Variants in CDC7 observed in about 807,000 individuals in gnomAD.
The protein encoded by CDC7 is cell division cycle 7.
In CDC7, 34 loss-of-function variants were observed where a neutral mutation model predicts 53.5. The ratio of observed to expected loss-of-function variants is 0.64; its 90% CI spans 0.48 to 0.85. The LOEUF is 0.85. Ranked by LOEUF, CDC7 falls within the 40% of genes least tolerant of loss-of-function variation. CDC7 has a pLI of 0.00. For synonymous variants in CDC7, 211 were observed against 222.8 expected (o/e 0.95, Z 0.47); for missense variants, 594 against 679.7 (o/e 0.87, Z 1.40).
intron 2 of CDC7, among the ~76,000 whole-genome samples, chr1:91,503,586 G>A (rs1443671402): frequency 6.6e-6 from 1 of 152,200 alleles, no homozygotes; most frequent in African/African-American, 2.4e-5. Flanking sequence ...ATGATTTAAT[G>A]TAAGGATATA....
intron 6 of CDC7, among the ~76,000 whole-genome samples, chr1:91,512,260 G>A (rs1222859217): frequency 2.0e-5 from 3 of 152,044 alleles, no homozygotes; most frequent in Admixed American, 1.3e-4. Context: ...CAATAGCCAT[G>A]CACAGATTAT....
In CDC7 at chr1:91,513,194, C is replaced by G. The variant is rs1260731124; in HGVS notation, c.709C>G (p.Pro237Ala). Reference sequence around the variant, plus strand: ...CCACATAATCACAGGAAACAAGATTCCACTGAGTGGCCCAGTACCTAAGGA... The same window carrying G: ...CCACATAATCACAGGAAACAAGATTGCACTGAGTGGCCCAGTACCTAAGGA... ...KSHIITGNKI[P>A]LSGPVPKELD... Residue 237 changes from proline to alanine, a missense_variant, in exon 7 of 12, where the codon CCA (proline) becomes GCA (alanine). By Grantham distance (27) the Pro-to-Ala change is conservative (BLOSUM62 -1). Coordinates refer to ENST00000234626, the MANE Select transcript of CDC7 (RefSeq NM_003503.4). 10 of 1,613,664 alleles carry G rather than the reference C, an allele frequency of 6.2e-6. No homozygotes were observed. The highest frequency in any genetic ancestry group is 8.5e-6 in the Non-Finnish European group (10 of 1,179,830).
In CDC7 at chr1:91,501,681, C is replaced by T. The variant is rs746579034; in HGVS notation, c.-36C>T. Reference sequence around the variant, plus strand: ...GCTTTGCTCCCCCTGTGGATGTAACCCCTTAGCTGGCATTTTGCATCTCAA... The same window carrying T: ...GCTTTGCTCCCCCTGTGGATGTAACTCCTTAGCTGGCATTTTGCATCTCAA... On this transcript the variant is annotated 5_prime_UTR_variant, in exon 2 of 12. Transcript: ENST00000234626. The T allele has an allele frequency of 6.8e-7, 1 of 1,466,788 alleles. No homozygotes were observed. Among genetic ancestry groups the T allele is most frequent in the East Asian group, 2.3e-5 (1 of 44,180 alleles). The allele number at this position is 1,466,788 out of a possible 1,614,324, so 90.9% of individuals were successfully genotyped here.
intron 2 of CDC7, among the ~76,000 whole-genome samples, chr1:91,503,955 A>G (rs1047939108): frequency 2.6e-5 from 4 of 152,098 alleles, no homozygotes; most frequent in African/African-American, 7.2e-5. Flanking sequence ...TTTAAGGTCC[A>G]TTGCATATTA....
intron 2 of CDC7, among the ~76,000 whole-genome samples, chr1:91,502,598 G>C (rs1436474928): frequency 2.0e-5 from 3 of 152,052 alleles, no homozygotes; most frequent in African/African-American, 7.2e-5. Flanking sequence ...CATACTTTCT[G>C]CTTTGATGGA....
In CDC7 at chr1:91,523,096, A is replaced by T. The variant is rs541634903; in HGVS notation, c.1331-945A>T. 2.0e-4 allele frequency among the ~76,000 whole-genome samples: 31 copies of T among 152,338 alleles called. No individual in the cohort carries two copies. In the Middle Eastern group the frequency reaches 0.017, roughly 84 times the overall value. ...TTATTTCAAATACATTTATATTTTT[A>T]AAAACAGATCTAGTTTGTTTATTTG... On this transcript the variant is annotated intron_variant, in intron 11 of 11. Transcript: ENST00000234626.
At chr1:91,516,603 AATAAAACTT>A (rs1667570083) in intron 10 of CDC7, among the ~76,000 whole-genome samples, 2 of 152,178 alleles carry the variant, frequency 1.3e-5, no homozygotes, top group Non-Finnish European at 2.9e-5. Context: ...TGAGTATGGT[AATAAAACTT>A]ATTCAGGGTA....
chr1:91,513,854 C>T, intron 7 of CDC7, 94 bp from the exon 8 acceptor site: 5 of 831,022 alleles, frequency 6.0e-6, no homozygotes, highest in Non-Finnish European at 9.7e-6. Flanking sequence ...TTTGTTTCAT[C>T]TCACTTAACT....
At position 91,525,256 on chromosome 1, in the gene CDC7, T is replaced by G. The variant is rs1349794181; in HGVS notation, c.*821T>G. On this transcript the variant is annotated 3_prime_UTR_variant, in exon 12 of 12. Coordinates refer to ENST00000234626, the MANE Select transcript of CDC7 (RefSeq NM_003503.4). ...AGATTGATAGTCCAAATGCTTTTCT[T>G]TTTTGAGTTGTATATTTTTTCACAC... 3.3e-5 allele frequency: 5 copies of G among 152,222 alleles called. No individual in the cohort carries two copies. In the East Asian group the frequency reaches 9.6e-4, roughly 29 times the overall value. The allele number at this position is 152,222 out of a possible 1,614,324, so 9.4% of individuals were successfully genotyped here. A position where few individuals can be genotyped will look rare whatever the true frequency, so the allele number is the denominator to read the frequency against.
At chr1:91,503,826 A>G (rs1445618147) in intron 2 of CDC7, among the ~76,000 whole-genome samples, 4 of 151,914 alleles carry the variant, frequency 2.6e-5, no homozygotes, top group African/African-American at 4.8e-5. Flanking sequence ...CTAAATTGGG[A>G]TCTTGTTTTG....
Position 91,514,855 on chromosome 1 carries a change from A to G in CDC7, c.955A>G (p.Arg319Gly). 1.9e-6 allele frequency: 3 copies of G among 1,613,090 alleles called. No homozygotes were observed. The highest frequency in any genetic ancestry group is 2.2e-5 in the East Asian group (1 of 44,850). Reference protein sequence around the residue: ...KQSKTVDVLSRKLATKKKAIS... With the variant: ...KQSKTVDVLSGKLATKKKAIS... Reference sequence around the variant, plus strand: ...GTCAAAGACTGTGGATGTACTGTCTAGAAAGTTAGCAACAAAAAAGAAGGC... The same window carrying G: ...GTCAAAGACTGTGGATGTACTGTCTGGAAAGTTAGCAACAAAAAAGAAGGC... The change falls in exon 9 of 12, where the codon AGA becomes GGA. Residue 319 changes from arginine (R) to glycine (G), a missense_variant. Transcript: ENST00000234626.
chr1:91,511,643 G>T lies in CDC7; in HGVS notation c.382G>T (p.Asp128Tyr). ...MGVKYCFRKNDHVVIAMPYLE... is the reference protein window; with the variant it reads ...MGVKYCFRKNYHVVIAMPYLE... ...AGTTAAATACTGCTTTAGGAAGAAT[G>T]ATCATGTAGTTATTGCTATGCCATA... Residue 128 changes from aspartate to tyrosine, a missense_variant, in exon 5 of 12, where the codon GAT becomes TAT. Transcript: ENST00000234626. The T allele has an allele frequency of 1.2e-6, 2 of 1,611,396 alleles. No homozygotes were observed. The highest frequency in any genetic ancestry group is 2.2e-5 in the South Asian group (2 of 90,724).
chr1:91,506,869 G>A (rs914368194), intron 2 of CDC7, among the ~76,000 whole-genome samples: 8 of 152,098 alleles, frequency 5.3e-5, no homozygotes, highest in Admixed American at 4.6e-4. Context: ...AGAATCTCTT[G>A]AACGCAGGAG....
At chr1:91,523,927 C>T (rs1668125533) in intron 11 of CDC7, 114 bp from the exon 12 acceptor site, 9 of 640,566 alleles carry the variant, frequency 1.4e-5, no homozygotes, top group South Asian at 8.4e-5. Context: ...TGTGTGTGTC[C>T]ATGTCTATAA....
intron 7 of CDC7, 90 bp from the exon 8 acceptor site, chr1:91,513,858 C>A (rs1413261099): frequency 1.1e-6 from 1 of 906,806 alleles, no homozygotes; most frequent in Non-Finnish European, 1.7e-6. Context: ...TTTCATCTCA[C>A]TTAACTCTTT....
Position 91,525,402 on chromosome 1 carries a change from C to G in CDC7, c.*967C>G, listed in dbSNP as rs1264305799. The G allele has an allele frequency of 6.6e-6, 1 of 151,930 alleles. No homozygotes were observed. The highest frequency in any genetic ancestry group is 1.5e-5 in the Non-Finnish European group (1 of 67,958). The allele number at this position is 151,930 out of a possible 1,614,324, so 9.4% of individuals were successfully genotyped here. A position where few individuals can be genotyped will look rare whatever the true frequency, so the allele number is the denominator to read the frequency against. The stretch of plus-strand genomic sequence containing the variant: ...TCTCTGTATCCTGTTTTGACTAAGT[C>G]TTAGGTGGGTTGGGAAGACAGATAA... On this transcript the variant is annotated 3_prime_UTR_variant, in exon 12 of 12. Coordinates refer to ENST00000234626, the MANE Select transcript of CDC7 (RefSeq NM_003503.4).
In CDC7 at chr1:91,501,779, G is replaced by T. The variant is rs748574248; in HGVS notation, c.63G>T (p.Arg21=). The T allele has an allele frequency of 1.2e-6, 2 of 1,613,980 alleles. No individual in the cohort carries two copies. The highest frequency in any genetic ancestry group is 1.7e-6 in the Non-Finnish European group (2 of 1,179,980). Residue 21 remains arginine, a synonymous_variant, in exon 2 of 12, where the codon CGG becomes CGT. Coordinates refer to ENST00000234626, the MANE Select transcript of CDC7 (RefSeq NM_003503.4). The stretch of plus-strand genomic sequence containing the variant: ...TGGCTTTTTCTCCCCAGCGTGACCG[G>T]TTTCAGGCTGAAGGCTCTTTAAAAA... ...EPMAFSPQRD[R]FQAEGSLKKN...
chr1:91,520,316 CT>C, intron 11 of CDC7, 37 bp downstream of exon 11: 2 of 1,439,992 alleles, frequency 1.4e-6, no homozygotes, highest in Non-Finnish European at 9.3e-7. Context: ...AACAAAATGC[CT>C]TTGATTATCT....
chr1:91,518,102 A>AAAAAAAAG (rs1667673396), intron 10 of CDC7, among the ~76,000 whole-genome samples: 2 of 149,512 alleles, frequency 1.3e-5, no homozygotes, highest in South Asian at 4.2e-4. Flanking sequence ...TCAAAAAAAA[A>AAAAAAAAG]AAAAAAAAAA....
Sources: gnomAD v4.1 joint callset for allele counts (sites outside exome capture counted in the v4.1 genomes callset) on GRCh38, gnomAD v4.1.1 for gene constraint, MANE v1.5 for transcripts, NCBI Gene and HGNC (gene_info 2026-07-23, HGNC 2026-07-21) for gene names.